Variants in QSOX2 observed in about 807,000 individuals in gnomAD.
QSOX2 encodes quiescin sulfhydryl oxidase 2.
In QSOX2, 46 loss-of-function variants were observed where a neutral mutation model predicts 61.7. The observed-to-expected ratio is 0.75, with a 90% CI of 0.59 to 0.95. The LOEUF (loss-of-function observed/expected upper bound fraction) is 0.95, where lower values mean the gene tolerates loss of function less well. Among genes scored for constraint, QSOX2 ranks in the 40% least tolerant of loss-of-function variants. The probability of loss-of-function intolerance (pLI) is 0.00; values close to 1 mark genes in which losing one functional copy is unlikely to be tolerated. For missense variants in QSOX2, 879 were observed against 918.9 expected (o/e 0.96, Z 0.56); for synonymous variants, 383 against 388.4 (o/e 0.99, Z 0.16).
At chr9:136,234,954 T>C (rs1009978587) in intron 1 of QSOX2, among the ~76,000 whole-genome samples, 2 of 152,062 alleles carry the variant, frequency 1.3e-5, no homozygotes, top group African/African-American at 2.4e-5. Context: ...TCGTTCCTAT[T>C]TGCCTTCCAG....
At chr9:136,234,997 A>G (rs974983499) in intron 1 of QSOX2, among the ~76,000 whole-genome samples, 3 of 151,944 alleles carry the variant, frequency 2.0e-5, no homozygotes, top group African/African-American at 7.3e-5. Context: ...ATCTGAGTCT[A>G]CCCTGACCGC....
rs150288050 is a variant in QSOX2, at chr9:136,234,327, C to T, written c.329-7453G>A. The stretch of plus-strand genomic sequence containing the variant: ...GCTATGAGCTCAGTTTTTGGGGAGT[C>T]GCAGGTTATATACACATTTTTGACT... On this transcript the variant is annotated intron_variant, in intron 1 of 11. Transcript: ENST00000358701. Among the ~76,000 whole-genome samples the T allele has an allele frequency of 2.2e-3, 331 of 152,302 alleles. 4 individuals carry two copies. In the South Asian group the frequency reaches 0.03, roughly 14 times the overall value.
chr9:136,224,985 C>A, intron 2 of QSOX2, 76 bp from the exon 3 acceptor site: 1 of 1,070,740 alleles, frequency 9.3e-7, no homozygotes, highest in East Asian at 2.5e-5. Context: ...ACAAAACGCC[C>A]GTCACCTTAG....
intron 1 of QSOX2, among the ~76,000 whole-genome samples, chr9:136,239,033 C>G (rs1330675931): frequency 6.6e-6 from 1 of 152,248 alleles, no homozygotes; most frequent in African/African-American, 2.4e-5. Context: ...GTCTCGGGTC[C>G]TCTGTGCTGG....
intron 2 of QSOX2, among the ~76,000 whole-genome samples, chr9:136,225,890 A>G (rs1036953020): frequency 1.3e-5 from 2 of 152,256 alleles, no homozygotes; most frequent in Admixed American, 6.5e-5. Context: ...CTGAAGCAAA[A>G]TCAAAATACA....
chr9:136,237,262 G>A (rs1830393306), intron 1 of QSOX2, among the ~76,000 whole-genome samples: 2 of 132,184 alleles, frequency 1.5e-5, no homozygotes, highest in Admixed American at 1.5e-4. Flanking sequence ...ATCCTGGGCT[G>A]GCGTCACCTG....
chr9:136,238,144 C>T (rs983686568), intron 1 of QSOX2, among the ~76,000 whole-genome samples: 1 of 152,226 alleles, frequency 6.6e-6, no homozygotes, highest in Non-Finnish European at 1.5e-5. Context: ...TGTGCAACAC[C>T]CCAACATGAT....
intron 2 of QSOX2, among the ~76,000 whole-genome samples, chr9:136,225,254 C>T (rs534932949): frequency 3.9e-5 from 6 of 152,314 alleles, no homozygotes; most frequent in African/African-American, 1.4e-4. Context: ...TTAGCTGTAG[C>T]GTTAGCTGTG....
intron 6 of QSOX2, among the ~76,000 whole-genome samples, chr9:136,220,900 G>A (rs978899395): frequency 6.6e-5 from 10 of 152,022 alleles, no homozygotes; most frequent in South Asian, 4.1e-4. Flanking sequence ...TATAGATGGG[G>A]TCTTACTATG....
intron 1 of QSOX2, among the ~76,000 whole-genome samples, chr9:136,229,960 C>G (rs903352447): frequency 6.6e-6 from 1 of 152,194 alleles, no homozygotes; most frequent in Admixed American, 6.5e-5. Context: ...CAGTCTGGGC[C>G]CAGGCCAGGT....
chr9:136,234,709 C>T (rs747221812), intron 1 of QSOX2, among the ~76,000 whole-genome samples: 2 of 131,448 alleles, frequency 1.5e-5, no homozygotes, highest in African/African-American at 5.4e-5. Context: ...GAGGAAGCCC[C>T]GATGGCCATC....
At chr9:136,228,442 T>C (rs1434013642) in intron 1 of QSOX2, among the ~76,000 whole-genome samples, 1 of 152,214 alleles carries the variant, frequency 6.6e-6, no homozygotes, top group Non-Finnish European at 1.5e-5. Context: ...AGATTTGTGT[T>C]CTTCCTCTGG....
Position 136,221,691 on chromosome 9 carries a change from GC to G in QSOX2, c.821+104del, listed in dbSNP as rs1426984901. The stretch of plus-strand genomic sequence containing the variant: ...CTGCCCAGGGAAGCGAGGCGGAGGG[GC>G]CAGGGCTCCCCCGATCTCACACCAG... On this transcript the variant is annotated intron_variant, in intron 6 of 11. Coordinates refer to ENST00000358701, the MANE Select transcript of QSOX2 (RefSeq NM_181701.4). The surrounding 1 kb of genome is among the most constrained non-coding windows in gnomAD (Gnocchi z 4.5). 59 of 1,280,442 alleles carry G rather than the reference GC, an allele frequency of 4.6e-5. No individual in the cohort carries two copies. Among genetic ancestry groups the G allele is most frequent in the Non-Finnish European group, 5.9e-5 (56 of 948,978 alleles). The allele number at this position is 1,280,442 out of a possible 1,614,324, so 79.3% of individuals were successfully genotyped here. A position where few individuals can be genotyped will look rare whatever the true frequency, so the allele number is the denominator to read the frequency against.
In QSOX2 at chr9:136,223,765, CCCGT is replaced by C. The variant is rs748351619; in HGVS notation, c.669_672del (p.Glu225Ter). 23 of 1,613,758 alleles carry C rather than the reference CCCGT, an allele frequency of 1.4e-5. No individual in the cohort carries two copies. The highest frequency in any genetic ancestry group is 1.9e-5 in the Non-Finnish European group (23 of 1,179,832). On this transcript the variant is annotated frameshift_variant, in exon 5 of 12. Transcript: ENST00000358701. LOFTEE classifies it high-confidence loss of function. The surrounding 1 kb of genome is among the most constrained non-coding windows in gnomAD (Gnocchi z 4.4). ...TGGAGCCCACGCAGAGGCCGTACCTCCCGTCCAAGGTAGGAGCTGTTGCTTTCAA... is the reference window on the plus strand; with the variant it reads ...TGGAGCCCACGCAGAGGCCGTACCTCCCAAGGTAGGAGCTGTTGCTTTCAA...
chr9:136,214,200 T>G (rs1286493397), intron 10 of QSOX2, among the ~76,000 whole-genome samples: 3 of 152,258 alleles, frequency 2.0e-5, no homozygotes, highest in African/African-American at 7.2e-5. Context: ...TTTAGTGTTC[T>G]GTGAAGGACA....
At position 136,219,137 on chromosome 9, in the gene QSOX2, C is replaced by T. The variant is rs150568014; in HGVS notation, c.849G>A (p.Ser283=). The stretch of plus-strand genomic sequence containing the variant: ...CATCCGGCAATGACTTCAAATAAGA[C>T]GAAAAGAAGGCCCGCAGAGGCTTCA... ...NVVKPLRAFF[S]SYLKSLPDVR... The change falls in exon 7 of 12, where the codon TCG becomes TCA. Residue 283 remains serine (S), a synonymous_variant. Coordinates refer to ENST00000358701, the MANE Select transcript of QSOX2 (RefSeq NM_181701.4). 947 of 1,613,892 alleles carry T rather than the reference C, an allele frequency of 5.9e-4. 2 individuals carry two copies. The highest frequency in any genetic ancestry group is 3.8e-3 in the African/African-American group (282 of 75,002).
At position 136,223,950 on chromosome 9, in the gene QSOX2, G is replaced by A. The variant is rs1039019374; in HGVS notation, c.584+57C>T. On this transcript the variant is annotated intron_variant, in intron 4 of 11. Transcript: ENST00000358701. This position sits in a 1 kb window ranked among gnomAD's most constrained non-coding sequence, Gnocchi z 4.4. ...ACATCACTTAATAGAAACCTATTAC[G>A]TTTCTTGCACAGTTCAACACGAGTC... 1.4e-5 allele frequency: 22 copies of A among 1,578,292 alleles called. No homozygotes were observed. The highest frequency in any genetic ancestry group is 1.7e-4 in the Middle Eastern group (1 of 6,006).
At chr9:136,235,617 G>A (rs1038600540) in intron 1 of QSOX2, among the ~76,000 whole-genome samples, 38 of 152,226 alleles carry the variant, frequency 2.5e-4, no homozygotes, top group African/African-American at 6.8e-4. Context: ...CCACCACGAC[G>A]TCTGAGTGAA....
In QSOX2 at chr9:136,215,186, G is replaced by A. The variant is rs751539272; in HGVS notation, c.1328C>T (p.Ala443Val). 1.4e-5 allele frequency: 22 copies of A among 1,613,962 alleles called. No individual in the cohort carries two copies. The Admixed American group carries it at 3.3e-4, about 24-fold the overall frequency. Residue 443 changes from alanine (A) to valine (V), a missense_variant, in exon 10 of 12, where the codon GCC (alanine) becomes GTC (valine). Physicochemically the swap from Ala to Val is moderately conservative, Grantham distance 64. Transcript: ENST00000358701. ...WKLFHTLTVE[A>V]STHPDALVGT... is the part of the protein sequence containing the mutation. ...AACCAGTGCATCTGGGTGGGTCGAG[G>A]CTTCAACAGTCAAAGTGTGGAACAG...
Sources: allele counts gnomAD v4.1 joint callset (sites outside exome capture counted in the v4.1 genomes callset), GRCh38; gene constraint gnomAD v4.1.1; non-coding constraint Gnocchi (gnomAD v3.1); transcripts MANE v1.5; gene names NCBI Gene and HGNC (gene_info 2026-07-23, HGNC 2026-07-21).